SLC25A13: variants seen among roughly 807,000 people sequenced by gnomAD.
The protein encoded by SLC25A13 is electrogenic aspartate/glutamate antiporter SLC25A13, mitochondrial.
A neutral mutation model predicts 85.5 loss-of-function variants in SLC25A13; 70 were observed. The observed-to-expected ratio is 0.82, with a 90% CI of 0.68 to 1.00. The LOEUF is 1.00. Ranked by LOEUF, SLC25A13 falls within the 50% of genes least tolerant of loss-of-function variation. The pLI is 0.00. For missense variants in SLC25A13, 765 were observed against 819.8 expected (o/e 0.93, Z 0.82); for synonymous variants, 259 against 288.7 (o/e 0.90, Z 1.04).
At chr7:96,163,627 G>A (rs1793610543) in intron 13 of SLC25A13, among the ~76,000 whole-genome samples, 1 of 152,216 alleles carries the variant, frequency 6.6e-6, no homozygotes, top group Non-Finnish European at 1.5e-5. Context: ...CCTGTTAGGA[G>A]GAAAGCCTTG....
At chr7:96,143,942 T>C (rs763367467) in intron 14 of SLC25A13, among the ~76,000 whole-genome samples, 2 of 152,182 alleles carry the variant, frequency 1.3e-5, no homozygotes, top group Non-Finnish European at 2.9e-5. Context: ...GGTTCTTCTT[T>C]TTAAAGACCC....
intron 1 of SLC25A13, among the ~76,000 whole-genome samples, chr7:96,318,219 T>C (rs1800201504): frequency 6.6e-6 from 1 of 152,238 alleles, no homozygotes; most frequent in Non-Finnish European, 1.5e-5. Context: ...AGGTCTGAAC[T>C]CAAGGGAGCA....
At chr7:96,297,156 T>C (rs1386603719) in intron 1 of SLC25A13, among the ~76,000 whole-genome samples, 1 of 152,208 alleles carries the variant, frequency 6.6e-6, no homozygotes, top group Non-Finnish European at 1.5e-5. Context: ...TAAAATTTTA[T>C]GCAAGGAACC....
At chr7:96,280,417 A>G (rs1185476263) in intron 2 of SLC25A13, among the ~76,000 whole-genome samples, 2 of 152,132 alleles carry the variant, frequency 1.3e-5, no homozygotes, top group Non-Finnish European at 1.5e-5. Context: ...ACTGAAATGC[A>G]AAATAAAACA....
intron 1 of SLC25A13, among the ~76,000 whole-genome samples, chr7:96,299,331 A>T (rs1799468462): frequency 1.3e-5 from 2 of 152,234 alleles, no homozygotes; most frequent in South Asian, 4.1e-4. Flanking sequence ...AACACAAATC[A>T]AAACAAAGAC....
chr7:96,250,739 C>CAAAAA (rs57574466), intron 3 of SLC25A13, among the ~76,000 whole-genome samples: 207 of 118,364 alleles, frequency 1.7e-3, no homozygotes, highest in South Asian at 4.4e-3. Flanking sequence ...AGACCTGTTA[C>CAAAAA]AAAAAAAAAA....
At position 96,173,203 on chromosome 7, in the gene SLC25A13, G is replaced by C. The variant is rs1263812847; in HGVS notation, c.1178-1679C>G. 5.9e-5 allele frequency among the ~76,000 whole-genome samples: 9 copies of C among 152,284 alleles called. No homozygotes were observed. The East Asian group carries it at 7.7e-4, about 13-fold the overall frequency. On this transcript the variant is annotated intron_variant, in intron 11 of 17. Transcript: ENST00000265631. Reference sequence around the variant, plus strand: ...AAAATGGGAGGAAGTCCTTCATTGTGGAATTAAACAAGGATAAGGATGGTG... The same window carrying C: ...AAAATGGGAGGAAGTCCTTCATTGTCGAATTAAACAAGGATAAGGATGGTG...
chr7:96,228,570 C>T (rs758728028), intron 4 of SLC25A13, among the ~76,000 whole-genome samples: 19 of 152,224 alleles, frequency 1.2e-4, no homozygotes, highest in Admixed American at 2.6e-4. Context: ...AGTCCTCGCT[C>T]GCTCTAGGCG....
At chr7:96,269,598 G>A (rs1457497673) in intron 3 of SLC25A13, among the ~76,000 whole-genome samples, 1 of 152,188 alleles carries the variant, frequency 6.6e-6, no homozygotes, top group African/African-American at 2.4e-5. Flanking sequence ...TTCATTTCCT[G>A]GGGCTGCTGT....
At chr7:96,133,755 T>TACTCAAATTAGACATCAAATAATCA (rs1792140729) in intron 14 of SLC25A13, among the ~76,000 whole-genome samples, 1 of 151,936 alleles carries the variant, frequency 6.6e-6, no homozygotes, top group South Asian at 2.1e-4. Flanking sequence ...GTCCAGAAGA[T>TACTCAAATTAGACATCAAATAATCA]ACTCAAATTA....
intron 2 of SLC25A13, among the ~76,000 whole-genome samples, chr7:96,295,235 A>C (rs1799302456): frequency 6.6e-6 from 1 of 152,136 alleles, no homozygotes; most frequent in Non-Finnish European, 1.5e-5. Flanking sequence ...ACATGCCTGT[A>C]ATCCCAGCTA....
At chr7:96,125,205 CAGCCTCCTG>C (rs1460716872) in intron 15 of SLC25A13, among the ~76,000 whole-genome samples, 1 of 152,164 alleles carries the variant, frequency 6.6e-6, no homozygotes, top group Admixed American at 6.5e-5. Flanking sequence ...TCTCCTGCCT[CAGCCTCCTG>C]AGTAGCTGGG....
intron 13 of SLC25A13, among the ~76,000 whole-genome samples, chr7:96,151,516 G>T (rs1257535421): frequency 6.6e-6 from 1 of 151,938 alleles, no homozygotes; most frequent in South Asian, 2.1e-4. Context: ...AGAATCACTT[G>T]AACTCGGGAG....
chr7:96,129,067 GCC>G (rs1791888475), intron 15 of SLC25A13, among the ~76,000 whole-genome samples: 1 of 150,370 alleles, frequency 6.7e-6, no homozygotes, highest in Admixed American at 6.7e-5. Context: ...AGGAACTGAG[GCC>G]TCCTGTCAAC....
intron 4 of SLC25A13, among the ~76,000 whole-genome samples, chr7:96,229,596 A>C (rs945273461): frequency 6.6e-6 from 1 of 152,142 alleles, no homozygotes; most frequent in Admixed American, 6.5e-5. Context: ...ATGAGCTATA[A>C]CACTCACCAT....
rs1280932280 is a variant in SLC25A13, at chr7:96,275,385, G to A, written c.212+1811C>T. On this transcript the variant is annotated intron_variant, in intron 3 of 17. Coordinates refer to ENST00000265631, the MANE Select transcript of SLC25A13 (RefSeq NM_014251.3). ...TTTGACCCAGCAATCCCATTACTGGGTATATACCCAAAGGATTATAAATCA... is the reference window on the plus strand; with the variant it reads ...TTTGACCCAGCAATCCCATTACTGGATATATACCCAAAGGATTATAAATCA... Among the ~76,000 whole-genome samples, 3 of 152,262 alleles carry A rather than the reference G, an allele frequency of 2.0e-5. No homozygotes were observed. In the East Asian group the frequency reaches 5.8e-4, roughly 29 times the overall value.
chr7:96,140,856 T>C (rs1792524709), intron 14 of SLC25A13, among the ~76,000 whole-genome samples: 1 of 152,034 alleles, frequency 6.6e-6, no homozygotes, highest in Admixed American at 6.5e-5. Context: ...TTGAAAATTT[T>C]TTACATCCTT....
chr7:96,187,041 T>C (rs1794669182), intron 9 of SLC25A13, among the ~76,000 whole-genome samples: 1 of 152,220 alleles, frequency 6.6e-6, no homozygotes, highest in African/African-American at 2.4e-5. Flanking sequence ...CAGTCAGTCA[T>C]TGTTTTCTGG....
chr7:96,243,409 G>T (rs73710247), intron 3 of SLC25A13, among the ~76,000 whole-genome samples: 1,906 of 152,274 alleles, frequency 0.013, 41 homozygotes, highest in African/African-American at 0.043. Context: ...GGTGGAGGAT[G>T]AGCACATGCA....
Sources: gnomAD v4.1 joint callset for allele counts (sites outside exome capture counted in the v4.1 genomes callset) on GRCh38, gnomAD v4.1.1 for gene constraint, MANE v1.5 for transcripts, NCBI Gene and HGNC (gene_info 2026-07-23, HGNC 2026-07-21) for gene names.